NCLN: variants seen among roughly 807,000 people sequenced by gnomAD.
NCLN encodes BOS complex subunit NCLN.
Under a neutral mutation model 69.5 loss-of-function variants are expected in NCLN, and 34 were observed. That is an observed-to-expected ratio of 0.49 (90% CI 0.37 to 0.65). The LOEUF (loss-of-function observed/expected upper bound fraction) is 0.65, where lower values mean the gene tolerates loss of function less well. Among genes scored for constraint, NCLN ranks in the 30% least tolerant of loss-of-function variants. NCLN has a pLI of 0.00. For synonymous variants in NCLN, 393 were observed against 358.3 expected (o/e 1.10, Z -1.09); for missense variants, 710 against 804.8 (o/e 0.88, Z 1.42).
intron 5 of NCLN, among the ~76,000 whole-genome samples, chr19:3,200,311 TA>T (rs1916092465): frequency 8.4e-6 from 1 of 119,682 alleles, no homozygotes; most frequent in Non-Finnish European, 1.7e-5. Flanking sequence ...TTTATTTATG[TA>T]TTTTTTTTTT....
At position 3,199,498 on chromosome 19, in the gene NCLN, C is replaced by G. The variant is rs117258628; in HGVS notation, c.696+601C>G. Reference sequence around the variant, plus strand: ...CCAGACTCCGGAGGGAAGCAGGGCCCGTGTGTAAACCATGGTGTTTGCAGG... The same window carrying G: ...CCAGACTCCGGAGGGAAGCAGGGCCGGTGTGTAAACCATGGTGTTTGCAGG... On this transcript the variant is annotated intron_variant, in intron 5 of 14. Coordinates refer to ENST00000246117, the MANE Select transcript of NCLN (RefSeq NM_020170.4). Among the ~76,000 whole-genome samples, 840 of 152,290 alleles carry G rather than the reference C, an allele frequency of 5.5e-3. 3 individuals are homozygous for G. Among genetic ancestry groups the G allele is most frequent in the Non-Finnish European group, 8.5e-3 (580 of 68,020 alleles).
Position 3,186,147 on chromosome 19 carries a change from C to T in NCLN, c.117C>T (p.Ala39=). ...TGCTGGTGGCGCCGCCGCTGCCTGCCGCCGACGCCGCGCACGAGTTCACCG... is the reference window on the plus strand; with the variant it reads ...TGCTGGTGGCGCCGCCGCTGCCTGCTGCCGACGCCGCGCACGAGTTCACCG... ...VLLLVAPPLP[A]ADAAHEFTVY... is the part of the protein sequence containing the mutation. Residue 39 remains alanine (A), a synonymous_variant, in exon 1 of 15, where the codon GCC becomes GCT. Coordinates refer to ENST00000246117, the MANE Select transcript of NCLN (RefSeq NM_020170.4). The T allele has an allele frequency of 1.9e-6, 3 of 1,596,470 alleles. No individual in the cohort carries two copies. Among genetic ancestry groups the T allele is most frequent in the Non-Finnish European group, 2.6e-6 (3 of 1,173,706 alleles).
At chr19:3,191,823 G>T (rs1915834168) in intron 1 of NCLN, among the ~76,000 whole-genome samples, 1 of 152,210 alleles carries the variant, frequency 6.6e-6, no homozygotes, top group South Asian at 2.1e-4. Flanking sequence ...CCGAGCCCTG[G>T]TCTAGGATCC....
At chr19:3,196,524 T>G (rs1326433378) in intron 4 of NCLN, among the ~76,000 whole-genome samples, 1 of 151,826 alleles carries the variant, frequency 6.6e-6, no homozygotes, top group Non-Finnish European at 1.5e-5. Flanking sequence ...ATCTCCTTCC[T>G]TCCATCATGG....
intron 1 of NCLN, among the ~76,000 whole-genome samples, chr19:3,189,093 G>A (rs1023927617): frequency 7.9e-5 from 12 of 152,214 alleles, no homozygotes; most frequent in South Asian, 2.1e-4. Context: ...GGCACAGGGC[G>A]GGGCGGTGCC....
In NCLN at chr19:3,193,336, T is replaced by C; in HGVS notation, c.428T>C (p.Val143Ala). ...EMLAMETAVP[V>A]YFAVEDEALL... ...CTGGCCATGGAGACCGCCGTCCCCG[T>C]GTACTTTGCCGTGGAGGACGAGGCC... The change falls in exon 3 of 15, where the codon GTG becomes GCG. Residue 143 changes from valine to alanine, a missense_variant. Transcript: ENST00000246117. The C allele has an allele frequency of 6.2e-7, 1 of 1,613,086 alleles. No homozygotes were observed. The highest frequency in any genetic ancestry group is 1.1e-5 in the South Asian group (1 of 91,084).
At chr19:3,186,240 G>A in intron 1 of NCLN, 26 bp downstream of exon 1, 3 of 1,429,898 alleles carry the variant, frequency 2.1e-6, no homozygotes, top group Non-Finnish European at 2.7e-6. Context: ...CCACCCTCGG[G>A]GCTCCCCGGG....
chr19:3,192,778 G>A (rs1915861263), intron 2 of NCLN, 118 bp downstream of exon 2: 4 of 923,278 alleles, frequency 4.3e-6, no homozygotes, highest in Non-Finnish European at 6.2e-6. Flanking sequence ...AAGTAGGATG[G>A]ACTGTTCCCC....
chr19:3,192,360 T>TGGGCTG (rs11267342), intron 1 of NCLN, 110 bp from the exon 2 acceptor site: 19 of 848,266 alleles, frequency 2.2e-5, no homozygotes, highest in African/African-American at 3.6e-5. Flanking sequence ...TTCCAGGTTG[T>TGGGCTG]GGGCTGGGGC....
At chr19:3,196,924 C>T (rs1246212116) in intron 4 of NCLN, among the ~76,000 whole-genome samples, 1 of 152,228 alleles carries the variant, frequency 6.6e-6, no homozygotes, top group South Asian at 2.1e-4. Flanking sequence ...GCCTCACTGT[C>T]GGGGGAGCCC....
At position 3,205,557 on chromosome 19, in the gene NCLN, C is replaced by T. The variant is rs1403502682; in HGVS notation, c.1209-382C>T. On this transcript the variant is annotated intron_variant, in intron 9 of 14. Coordinates refer to ENST00000246117, the MANE Select transcript of NCLN (RefSeq NM_020170.4). The surrounding 1 kb of genome is among the most constrained non-coding windows in gnomAD (Gnocchi z 4.6). ...ACGGCTGTCCCAGCTGTGCTGAGCT[C>T]TCTCAAGACCACCAGGGGTCAGCCC... Among the ~76,000 whole-genome samples the T allele has an allele frequency of 6.6e-6, 1 of 152,204 alleles. No individual in the cohort carries two copies. The highest frequency in any genetic ancestry group is 2.4e-5 in the African/African-American group (1 of 41,452).
chr19:3,201,932 G>T (rs1171840996), intron 6 of NCLN, among the ~76,000 whole-genome samples: 1 of 152,148 alleles, frequency 6.6e-6, no homozygotes, highest in Non-Finnish European at 1.5e-5. Flanking sequence ...GCCCTGTGTG[G>T]TCGGGGCCGG....
chr19:3,205,759 G>A lies in NCLN; in HGVS notation c.1209-180G>A, dbSNP rs1916246766. On this transcript the variant is annotated intron_variant, in intron 9 of 14. Coordinates refer to ENST00000246117, the MANE Select transcript of NCLN (RefSeq NM_020170.4). The surrounding 1 kb of genome is among the most constrained non-coding windows in gnomAD (Gnocchi z 4.6). ...AGGGCAAGGGGCCTGGAGGTGTGGG[G>A]CCCCCAGTGAATCTGCATCTACATG... 4.8e-6 allele frequency: 3 copies of A among 625,698 alleles called. No homozygotes were observed. Among genetic ancestry groups the A allele is most frequent in the South Asian group, 4.0e-5 (2 of 50,438 alleles). The allele number at this position is 625,698 out of a possible 1,614,324, so 38.8% of individuals were successfully genotyped here. A position where few individuals can be genotyped will look rare whatever the true frequency, so the allele number is the denominator to read the frequency against.
intron 1 of NCLN, among the ~76,000 whole-genome samples, chr19:3,192,175 G>C (rs747322106): frequency 6.6e-6 from 1 of 152,212 alleles, no homozygotes; most frequent in Non-Finnish European, 1.5e-5. Context: ...GCAACAGAGT[G>C]AGACCCTGTC....
In NCLN at chr19:3,205,011, T is replaced by G. The variant is rs962144957; in HGVS notation, c.1208+260T>G. Among the ~76,000 whole-genome samples the G allele has an allele frequency of 6.6e-6, 1 of 152,128 alleles. No homozygotes were observed. Among genetic ancestry groups the G allele is most frequent in the Non-Finnish European group, 1.5e-5 (1 of 68,000 alleles). On this transcript the variant is annotated intron_variant, in intron 9 of 14. Transcript: ENST00000246117. The surrounding 1 kb of genome is among the most constrained non-coding windows in gnomAD (Gnocchi z 4.6). ...CCCCCAGACCCCGTCACCTGTTGAG[T>G]TAGGAGCAAGCAGCTCCTGCCTCTG...
intron 1 of NCLN, among the ~76,000 whole-genome samples, chr19:3,191,708 A>T (rs2144897570): frequency 6.6e-6 from 1 of 152,316 alleles, no homozygotes; most frequent in East Asian, 1.9e-4. Context: ...TTGTTGGCTT[A>T]CCTGTTGTAT....
intron 5 of NCLN, among the ~76,000 whole-genome samples, chr19:3,201,270 G>A (rs1002041225): frequency 6.6e-6 from 1 of 152,176 alleles, no homozygotes; most frequent in Non-Finnish European, 1.5e-5. Flanking sequence ...TGGGCTTGGC[G>A]GGGCCCCGCA....
intron 12 of NCLN, among the ~76,000 whole-genome samples, chr19:3,206,760 C>A (rs1445965920): frequency 3.3e-5 from 5 of 152,202 alleles, no homozygotes; most frequent in Non-Finnish European, 1.5e-5. Flanking sequence ...CGCTTGAACC[C>A]AGGAGTTGGA....
intron 1 of NCLN, among the ~76,000 whole-genome samples, chr19:3,187,039 A>G (rs1455760495): frequency 2.7e-5 from 4 of 150,408 alleles, no homozygotes; most frequent in Non-Finnish European, 5.9e-5. Flanking sequence ...GTTCCCTTTG[A>G]CCCCCTTTCT....
Sources: gnomAD v4.1 joint callset for allele counts (sites outside exome capture counted in the v4.1 genomes callset) on GRCh38, gnomAD v4.1.1 for gene constraint, Gnocchi (gnomAD v3.1) non-coding constraint, MANE v1.5 for transcripts, NCBI Gene and HGNC (gene_info 2026-07-23, HGNC 2026-07-21) for gene names.